The following KCNC4 variants were observed in gnomAD, a reference collection of about 807,000 sequenced individuals.
KCNC4 encodes the protein potassium voltage-gated channel subfamily C member 4.
In KCNC4, 23 loss-of-function variants were observed where a neutral mutation model predicts 42.8. That is an observed-to-expected ratio of 0.54 (90% confidence interval 0.39 to 0.76). The LOEUF (loss-of-function observed/expected upper bound fraction) is 0.76, where lower values mean the gene tolerates loss of function less well. KCNC4 is among the 30% of genes least tolerant of loss of function. The probability of loss-of-function intolerance (pLI) is 0.00; values close to 1 mark genes in which losing one functional copy is unlikely to be tolerated. For missense variants in KCNC4, 751 were observed against 898.2 expected (o/e 0.84, Z 2.10); for synonymous variants, 422 against 393.5 (o/e 1.07, Z -0.86).
At chr1:110,258,159 A>C (rs1557872294) in intron 1 of KCNC4, among the ~76,000 whole-genome samples, 1 of 152,234 alleles carries the variant, frequency 6.6e-6, no homozygotes, top group Non-Finnish European at 1.5e-5. Context: ...TTTCCTAGGC[A>C]CTAAATGGAG....
intron 1 of KCNC4, among the ~76,000 whole-genome samples, chr1:110,271,606 G>A (rs1570584509): frequency 6.6e-6 from 1 of 152,216 alleles, no homozygotes; most frequent in Non-Finnish European, 1.5e-5. Context: ...AGGGGCTTAA[G>A]CTTGTGAGTT....
chr1:110,264,536 G>A (rs1659506030), intron 1 of KCNC4, among the ~76,000 whole-genome samples: 1 of 152,152 alleles, frequency 6.6e-6, no homozygotes, highest in Non-Finnish European at 1.5e-5. Flanking sequence ...GTAGGGGTCC[G>A]GGTTTCTGAA....
chr1:110,222,762 T>C, intron 1 of KCNC4: 1 of 568,384 alleles, frequency 1.8e-6, no homozygotes, highest in Non-Finnish European at 3.1e-6. Flanking sequence ...TGACAAAGAT[T>C]GGGAAACATT....
At chr1:110,219,599 C>T (rs1350985467) in intron 1 of KCNC4, 2 of 152,130 alleles carry the variant, frequency 1.3e-5, no homozygotes, top group Non-Finnish European at 2.9e-5. Flanking sequence ...GCAGGATGGT[C>T]CAGTGGGGAA....
chr1:110,222,941 CT>C, intron 1 of KCNC4, 22 bp from the exon 2 acceptor site: 1 of 1,586,776 alleles, frequency 6.3e-7, no homozygotes, highest in Non-Finnish European at 8.6e-7. Flanking sequence ...CAGCTGCCCC[CT>C]GCTCTCCTCC....
chr1:110,215,068 G>A (rs1023435364), intron 1 of KCNC4, among the ~76,000 whole-genome samples: 9 of 152,392 alleles, frequency 5.9e-5, no homozygotes, highest in African/African-American at 1.7e-4. Context: ...GAGGGAGAGA[G>A]GAGCAGTGCT....
chr1:110,283,941 C>T (rs1659870121), downstream of KCNC4, among the ~76,000 whole-genome samples: 1 of 152,166 alleles, frequency 6.6e-6, no homozygotes, highest in Non-Finnish European at 1.5e-5. Context: ...CTAAATGGAA[C>T]CACTTGCTAA....
At chr1:110,252,680 A>G (rs2101068026), downstream of KCNC4, among the ~76,000 whole-genome samples, 1 of 152,316 alleles carries the variant, frequency 6.6e-6, no homozygotes, top group South Asian at 2.1e-4. Flanking sequence ...ACTCTGTGCC[A>G]AATATTTTAC....
At chr1:110,272,039 C>T (rs1659645270) in intron 1 of KCNC4, among the ~76,000 whole-genome samples, 1 of 152,206 alleles carries the variant, frequency 6.6e-6, no homozygotes, top group Non-Finnish European at 1.5e-5. Flanking sequence ...GACCTCGAAA[C>T]TGATCTAACA....
rs370020605 is a variant in KCNC4, at chr1:110,223,070, G to T, written c.785G>T (p.Arg262Leu). 6.2e-6 allele frequency: 10 copies of T among 1,614,044 alleles called. No homozygotes were observed. Among genetic ancestry groups the T allele is most frequent in the African/African-American group, 1.3e-5 (1 of 74,902 alleles). Residue 262 changes from arginine (R) to leucine (L), a missense_variant, in exon 2 of 4, where the codon CGC (arginine) becomes CTC (leucine). Physicochemically the swap from Arg to Leu is moderately radical, Grantham distance 102. Around this residue, in one of 4 missense-constraint regions of KCNC4, gnomAD observed 181 missense variants for 167.3 expected, o/e 1.08. Coordinates refer to ENST00000438661, the MANE Select transcript of KCNC4 (RefSeq NM_001039574.3). This position sits in a 1 kb window ranked among gnomAD's most constrained non-coding sequence, Gnocchi z 7.5. Reference sequence around the variant, plus strand: ...GACCGCAACGTGACAGAGATCCTCCGCGTAGGGAACATCACCAGCGTGCAC... The same window carrying T: ...GACCGCAACGTGACAGAGATCCTCCTCGTAGGGAACATCACCAGCGTGCAC... ...NIDRNVTEILRVGNITSVHFR... is the reference protein window; with the variant it reads ...NIDRNVTEILLVGNITSVHFR...
chr1:110,229,464 G>A (rs536239302), intron 3 of KCNC4, among the ~76,000 whole-genome samples: 12 of 152,112 alleles, frequency 7.9e-5, no homozygotes, highest in South Asian at 2.1e-4. Flanking sequence ...TCCCTTCTGC[G>A]CCCCGAGCTG....
downstream of KCNC4, among the ~76,000 whole-genome samples, chr1:110,253,553 T>C (rs1392320229): frequency 6.6e-6 from 1 of 152,210 alleles, no homozygotes; most frequent in African/African-American, 2.4e-5. Flanking sequence ...TGTGAGGTGG[T>C]GTCCAGGCTC....
At chr1:110,227,814 C>G (rs1658480802) in intron 3 of KCNC4, among the ~76,000 whole-genome samples, 1 of 152,142 alleles carries the variant, frequency 6.6e-6, no homozygotes, top group African/African-American at 2.4e-5. Context: ...GGGTACCAGT[C>G]AGGAGGGACC....
At chr1:110,270,643 G>A (rs1482932069) in intron 1 of KCNC4, among the ~76,000 whole-genome samples, 1 of 152,220 alleles carries the variant, frequency 6.6e-6, no homozygotes, top group Non-Finnish European at 1.5e-5. Context: ...ACAAACAGGT[G>A]CAAGGGAGCT....
chr1:110,232,344 A>C (rs780500148), intron 3 of KCNC4: 39 of 1,603,734 alleles, frequency 2.4e-5, no homozygotes, highest in Non-Finnish European at 3.0e-5. Flanking sequence ...CATCATACTC[A>C]GGAGCCTTCT....
chr1:110,261,348 T>C (rs1290530043), intron 1 of KCNC4, among the ~76,000 whole-genome samples: 13 of 152,314 alleles, frequency 8.5e-5, no homozygotes, highest in East Asian at 1.9e-4. Context: ...GCAGGCATTA[T>C]TGACAGATGC....
intron 1 of KCNC4, among the ~76,000 whole-genome samples, chr1:110,263,681 G>A (rs1323724): frequency 6.6e-6 from 1 of 151,862 alleles, no homozygotes; most frequent in Non-Finnish European, 1.5e-5. Context: ...GACTGATTGA[G>A]AGGTTCAAAA....
chr1:110,217,310 G>A (rs1657850162), intron 1 of KCNC4, among the ~76,000 whole-genome samples: 1 of 152,160 alleles, frequency 6.6e-6, no homozygotes, highest in South Asian at 2.1e-4. Flanking sequence ...GCTTCCACAA[G>A]GAACTAGAAG....
intron 1 of KCNC4, among the ~76,000 whole-genome samples, chr1:110,255,896 G>A (rs954825240): frequency 6.6e-6 from 1 of 152,214 alleles, no homozygotes; most frequent in Non-Finnish European, 1.5e-5. Context: ...GACTGCTTTA[G>A]TTCTCTTCCT....
Sources: gnomAD v4.1 joint callset for allele counts (sites outside exome capture counted in the v4.1 genomes callset) on GRCh38, gnomAD v4.1.1 for gene constraint, gnomAD v4.1.1 regional missense constraint, Gnocchi (gnomAD v3.1) non-coding constraint, MANE v1.5 for transcripts, NCBI Gene and HGNC (gene_info 2026-07-23, HGNC 2026-07-21) for gene names.